The following UTS2 variants were observed in gnomAD, a reference collection of about 807,000 sequenced individuals.
UTS2 encodes urotensin 2.
Under a neutral mutation model 12.6 loss-of-function variants are expected in UTS2, and 10 were observed. The ratio of observed to expected loss-of-function variants is 0.80; its 90% confidence interval spans 0.49 to 1.35. The LOEUF is 1.35. UTS2 is among the 40% of genes most tolerant of loss of function. UTS2 has a pLI of 0.00. For synonymous variants in UTS2, 52 were observed against 50.0 expected (o/e 1.04, Z -0.17); for missense variants, 142 against 143.2 (o/e 0.99, Z 0.04).
chr1:7,856,579 TCCCTGGGGGAC>T (rs1352080108), upstream of UTS2, among the ~76,000 whole-genome samples: 1 of 36,946 alleles, frequency 2.7e-5, no homozygotes, highest in African/African-American at 1.2e-4. Flanking sequence ...GTGAAGAGAG[TCCCTGGGGGAC>T]CCCTGCTGGC....
chr1:7,864,592 G>A, the UTS2 span, among the ~76,000 whole-genome samples: 4,059 of 152,254 alleles, frequency 0.027, 156 homozygotes, highest in East Asian at 0.12. Context: ...TCTGCTCTGC[G>A]TGCCCAACAG....
chr1:7,849,111 T>C (rs892622321), intron 3 of UTS2, among the ~76,000 whole-genome samples: 2 of 152,176 alleles, frequency 1.3e-5, no homozygotes, highest in Admixed American at 6.5e-5. Context: ...TCACAACTTA[T>C]TTGATTTACC....
the UTS2 span, among the ~76,000 whole-genome samples, chr1:7,863,071 T>TGTACTGTACTGTAC: frequency 9.9e-6 from 1 of 100,864 alleles, no homozygotes; most frequent in African/African-American, 3.9e-5. Context: ...TTGTATTGTA[T>TGTACTGTACTGTAC]TGTATTGTAT....
the UTS2 span, among the ~76,000 whole-genome samples, chr1:7,858,634 TG>T: frequency 1.3e-5 from 2 of 152,142 alleles, no homozygotes; most frequent in Admixed American, 1.3e-4. Flanking sequence ...TGGAGTGCAG[TG>T]GTGCGATCTC....
chr1:7,900,347 C>T, the UTS2 span, among the ~76,000 whole-genome samples: 1 of 151,448 alleles, frequency 6.6e-6, no homozygotes, highest in South Asian at 2.1e-4. Flanking sequence ...TGCAGTGAGC[C>T]TTGATTGTAC....
At chr1:7,865,837 G>A in the UTS2 span, among the ~76,000 whole-genome samples, 1 of 152,216 alleles carries the variant, frequency 6.6e-6, no homozygotes, top group Admixed American at 6.5e-5. Flanking sequence ...TCGGGAGGCT[G>A]AGGTGGGAGG....
At chr1:7,873,841 G>C in the UTS2 span, among the ~76,000 whole-genome samples, 1 of 152,088 alleles carries the variant, frequency 6.6e-6, no homozygotes, top group Non-Finnish European at 1.5e-5. Context: ...GTGAGTAAAA[G>C]GTTATCAAAT....
the UTS2 span, among the ~76,000 whole-genome samples, chr1:7,898,622 C>A: frequency 1.3e-5 from 2 of 152,126 alleles, no homozygotes; most frequent in African/African-American, 2.4e-5. Context: ...ACTACAGGTG[C>A]CTGCCACTAC....
At chr1:7,878,462 T>C in the UTS2 span, among the ~76,000 whole-genome samples, 1 of 152,308 alleles carries the variant, frequency 6.6e-6, no homozygotes, top group East Asian at 1.9e-4. Context: ...CAAAGGATAC[T>C]ATACAAAACA....
chr1:7,870,287 A>G, the UTS2 span, among the ~76,000 whole-genome samples: 9 of 152,314 alleles, frequency 5.9e-5, no homozygotes, highest in South Asian at 1.9e-3. Context: ...CAGAGGGACG[A>G]CCGAGTGAGG....
upstream of UTS2, among the ~76,000 whole-genome samples, chr1:7,855,937 T>A (rs2151385015): frequency 6.6e-6 from 1 of 151,370 alleles, no homozygotes; most frequent in Non-Finnish European, 1.5e-5. Flanking sequence ...CAAGCAATCC[T>A]CCTGCCTCAG....
chr1:7,889,841 A>C, the UTS2 span, among the ~76,000 whole-genome samples: 4 of 152,016 alleles, frequency 2.6e-5, no homozygotes, highest in Admixed American at 2.0e-4. Flanking sequence ...CCAAGGCGGG[A>C]GGATCACGAG....
the UTS2 span, among the ~76,000 whole-genome samples, chr1:7,906,030 C>T: frequency 6.6e-6 from 1 of 152,106 alleles, no homozygotes. Context: ...TCCAGGTGAG[C>T]ATCTTGTTTT....
At chr1:7,864,636 C>T in the UTS2 span, among the ~76,000 whole-genome samples, 1 of 152,178 alleles carries the variant, frequency 6.6e-6, no homozygotes, top group Non-Finnish European at 1.5e-5. Flanking sequence ...TTCTTCACGC[C>T]CATTGAATTC....
At chr1:7,908,615 T>G in the UTS2 span, among the ~76,000 whole-genome samples, 16 of 152,100 alleles carry the variant, frequency 1.1e-4, no homozygotes, top group South Asian at 3.3e-3. Context: ...CCCTCTGATT[T>G]AGAAATTTTG....
chr1:7,851,890 T>A (rs1403740872), intron 1 of UTS2, among the ~76,000 whole-genome samples: 1 of 152,238 alleles, frequency 6.6e-6, no homozygotes, highest in South Asian at 2.1e-4. Flanking sequence ...ACTTGTAAAA[T>A]TTTTTAAGAT....
the UTS2 span, among the ~76,000 whole-genome samples, chr1:7,885,686 G>T: frequency 4.6e-5 from 7 of 151,990 alleles, no homozygotes; most frequent in African/African-American, 1.7e-4. Context: ...GCATGGCATG[G>T]GCCAGAGGGG....
the UTS2 span, among the ~76,000 whole-genome samples, chr1:7,859,754 T>C: frequency 6.6e-6 from 1 of 152,178 alleles, no homozygotes; most frequent in Non-Finnish European, 1.5e-5. Context: ...TCTCAGCACT[T>C]TGAGAGGCCA....
the UTS2 span, among the ~76,000 whole-genome samples, chr1:7,902,703 G>A: frequency 1.3e-5 from 2 of 152,072 alleles, no homozygotes; most frequent in Admixed American, 1.3e-4. Flanking sequence ...CTGAAGAAGT[G>A]AGCCAGCTTC....
Sources: gnomAD v4.1 joint callset for allele counts (sites outside exome capture counted in the v4.1 genomes callset) on GRCh38, gnomAD v4.1.1 for gene constraint, MANE v1.5 for transcripts, NCBI Gene and HGNC (gene_info 2026-07-23, HGNC 2026-07-21) for gene names.